The following ENTPD7 variants were observed in gnomAD, a reference collection of about 807,000 sequenced individuals.
The protein encoded by ENTPD7 is NTPDase 7.
ENTPD7 carries 53 observed loss-of-function variants against 77.9 expected under a neutral mutation model. That is an observed-to-expected ratio of 0.68 (90% CI 0.55 to 0.85). The LOEUF is 0.85. ENTPD7 is among the 40% of genes least tolerant of loss of function. The probability of loss-of-function intolerance (pLI) is 0.00; values close to 1 mark genes in which losing one functional copy is unlikely to be tolerated. For synonymous variants in ENTPD7, 248 were observed against 274.9 expected (o/e 0.90, Z 0.97); for missense variants, 636 against 743.7 (o/e 0.86, Z 1.68).
intron 10 of ENTPD7, among the ~76,000 whole-genome samples, chr10:99,699,848 G>A (rs958752767): frequency 5.3e-5 from 8 of 152,102 alleles, no homozygotes; most frequent in Admixed American, 4.6e-4. Flanking sequence ...TTACAGGCGT[G>A]AGTCACCGTA....
chr10:99,687,380 C>T (rs547583976), intron 6 of ENTPD7, among the ~76,000 whole-genome samples: 1 of 148,536 alleles, frequency 6.7e-6, no homozygotes, highest in Non-Finnish European at 1.5e-5. Context: ...ACTCTCCTGC[C>T]TCAGCCTCCC....
intron 3 of ENTPD7, among the ~76,000 whole-genome samples, chr10:99,677,762 G>A (rs1399966515): frequency 6.6e-6 from 1 of 152,156 alleles, no homozygotes; most frequent in Admixed American, 6.5e-5. Flanking sequence ...CTTTCCCAAT[G>A]ATTATTCTGT....
rs2036237007 is a variant in ENTPD7 at position 99,705,668 on chromosome 10, G to T, written c.*985G>T. 6.6e-6 allele frequency: 1 copy of T among 152,190 alleles called. No individual in the cohort carries two copies. The highest frequency in any genetic ancestry group is 2.1e-4 in the South Asian group (1 of 4,826). The allele number at this position is 152,190 out of a possible 1,614,324, so 9.4% of individuals were successfully genotyped here. A position where few individuals can be genotyped will look rare whatever the true frequency, so the allele number is the denominator to read the frequency against. On this transcript the variant is annotated 3_prime_UTR_variant, in exon 13 of 13. Transcript: ENST00000370489. ...GAACAGAATCAGGAGAGTGGGCAAA[G>T]GCAATAAAATCAAAGTTCTTATTAA...
At chr10:99,698,491 C>A in intron 9 of ENTPD7, 43 bp from the exon 10 acceptor site, 1 of 1,532,762 alleles carries the variant, frequency 6.5e-7, no homozygotes. Flanking sequence ...TGAATACAGG[C>A]ATGACGTGTT....
intron 11 of ENTPD7, among the ~76,000 whole-genome samples, chr10:99,701,608 C>T (rs1471536762): frequency 1.3e-5 from 2 of 151,342 alleles, no homozygotes; most frequent in African/African-American, 4.9e-5. Context: ...TTTTTTTTAA[C>T]TTTGTATTAT....
At chr10:99,688,610 GA>G in intron 6 of ENTPD7, 83 bp from the exon 7 acceptor site, 14 of 1,221,572 alleles carry the variant, frequency 1.1e-5, no homozygotes, top group Non-Finnish European at 1.6e-5. Context: ...CCAAGAAAAA[GA>G]GGAAAGAGAA....
chr10:99,696,702 TTTC>T (rs1465287085), intron 9 of ENTPD7, among the ~76,000 whole-genome samples: 1 of 152,244 alleles, frequency 6.6e-6, no homozygotes, highest in African/African-American at 2.4e-5. Flanking sequence ...AGTGGTGGGA[TTTC>T]TTGTTTCTTT....
chr10:99,700,393 C>A (rs1338167674), intron 10 of ENTPD7, among the ~76,000 whole-genome samples: 4 of 103,598 alleles, frequency 3.9e-5, no homozygotes, highest in African/African-American at 1.7e-4. Flanking sequence ...TCCAACGTAC[C>A]GTGTGTGTGT....
intron 5 of ENTPD7, among the ~76,000 whole-genome samples, chr10:99,684,906 G>T (rs771850108): frequency 1.1e-4 from 16 of 152,064 alleles, no homozygotes; most frequent in Non-Finnish European, 2.4e-4. Context: ...GTTTTCAAAT[G>T]GTAAGATTTT....
chr10:99,666,781 T>C (rs2035555732), intron 3 of ENTPD7, among the ~76,000 whole-genome samples: 1 of 152,238 alleles, frequency 6.6e-6, no homozygotes, highest in African/African-American at 2.4e-5. Flanking sequence ...TATTTTATAA[T>C]AAAGTATTGA....
Position 99,692,494 on chromosome 10 carries a change from GGTAAA to G in ENTPD7, c.843+980_843+984del, listed in dbSNP as rs369987097. Reference sequence around the variant, plus strand: ...TGGGAGCCATTCTTGCTTCATGGAAGGTAAAGTATTTACCTGGGCCTTGGATGAGA... The same window carrying G: ...TGGGAGCCATTCTTGCTTCATGGAAGGTATTTACCTGGGCCTTGGATGAGA... On this transcript the variant is annotated intron_variant, in intron 8 of 12. Transcript: ENST00000370489. 3.9e-3 allele frequency among the ~76,000 whole-genome samples: 583 copies of G among 151,318 alleles called. 4 individuals carry two copies. In the Middle Eastern group the frequency reaches 0.041, roughly 11 times the overall value.
chr10:99,702,753 T>A (rs1385799706), intron 12 of ENTPD7, 80 bp downstream of exon 12: 3 of 1,375,102 alleles, frequency 2.2e-6, no homozygotes, highest in Non-Finnish European at 2.9e-6. Flanking sequence ...CTTTCTTTTT[T>A]TTTTTAACCA....
Position 99,679,376 on chromosome 10 carries a change from CCAAGA to C in ENTPD7, c.310_314del (p.Arg104Ter), listed in dbSNP as rs768294416. ...TTCCCGGATTTTTGTTTATTTCTGG[CCAAGA>C]CATAATGGGAACCCCCATGACTTGC... On this transcript the variant is annotated frameshift_variant, in exon 4 of 13. Transcript: ENST00000370489. LOFTEE classifies it high-confidence loss of function. 1.3e-5 allele frequency: 21 copies of C among 1,613,996 alleles called. No homozygotes were observed. The South Asian group carries it at 2.3e-4, about 18-fold the overall frequency.
chr10:99,671,709 A>G (rs1233103110), intron 3 of ENTPD7, among the ~76,000 whole-genome samples: 1 of 152,196 alleles, frequency 6.6e-6, no homozygotes, highest in East Asian at 1.9e-4. Flanking sequence ...ATTCATGTTT[A>G]ATATTGTTCA....
intron 3 of ENTPD7, among the ~76,000 whole-genome samples, chr10:99,673,448 G>C (rs2035640040): frequency 6.6e-6 from 1 of 152,208 alleles, no homozygotes; most frequent in Non-Finnish European, 1.5e-5. Flanking sequence ...GGTCATAAGA[G>C]GTCAGAGTTC....
At chr10:99,700,654 C>T (rs1046287294) in intron 10 of ENTPD7, among the ~76,000 whole-genome samples, 5 of 152,198 alleles carry the variant, frequency 3.3e-5, no homozygotes, top group African/African-American at 1.2e-4. Flanking sequence ...ATCTGCTCTC[C>T]CTGCTCATGT....
chr10:99,669,840 C>T (rs1026164637), intron 3 of ENTPD7, among the ~76,000 whole-genome samples: 1 of 147,512 alleles, frequency 6.8e-6, no homozygotes, highest in Non-Finnish European at 1.5e-5. Context: ...AGCTCCGCCT[C>T]CCGGGTTCAC....
intron 12 of ENTPD7, 49 bp from the exon 13 acceptor site, chr10:99,704,403 T>C (rs2133529620): frequency 2.5e-6 from 4 of 1,585,736 alleles, no homozygotes; most frequent in Non-Finnish European, 3.5e-6. Flanking sequence ...ATGTCTCCCT[T>C]TGAAACTTAA....
At chr10:99,668,146 G>A (rs1470873635) in intron 3 of ENTPD7, among the ~76,000 whole-genome samples, 1 of 151,958 alleles carries the variant, frequency 6.6e-6, no homozygotes, top group African/African-American at 2.4e-5. Flanking sequence ...TGTTTGCCAA[G>A]CTGGTCTCAA....
Sources: allele counts gnomAD v4.1 joint callset (sites outside exome capture counted in the v4.1 genomes callset), GRCh38; gene constraint gnomAD v4.1.1; transcripts MANE v1.5; gene names NCBI Gene and HGNC (gene_info 2026-07-23, HGNC 2026-07-21).